PADI6: variants seen among roughly 807,000 people sequenced by gnomAD.
PADI6 encodes inactive protein-arginine deiminase type-6.
Under a neutral mutation model 78.2 loss-of-function variants are expected in PADI6, and 66 were observed. The observed-to-expected ratio is 0.84, with a 90% CI of 0.69 to 1.04. The LOEUF is 1.04. Ranked by LOEUF, PADI6 falls within the 50% of genes least tolerant of loss-of-function variation. The pLI, the probability that PADI6 is intolerant of heterozygous loss-of-function variation, is 0.00. For synonymous variants in PADI6, 397 were observed against 346.9 expected, an observed-to-expected ratio of 1.14 and a Z score of -1.60; for missense variants, 854 against 866.1, an observed-to-expected ratio of 0.99 and a Z score of 0.18.
chr1:17,395,412 C>T (rs1158412656), intron 12 of PADI6, 128 bp from the exon 13 acceptor site: 3 of 1,215,464 alleles, frequency 2.5e-6, no homozygotes, highest in Non-Finnish European at 2.2e-6. Context: ...CCATGTTGGC[C>T]AGGCTGGTCT....
At chr1:17,382,437 C>A (rs116768744) in intron 6 of PADI6, among the ~76,000 whole-genome samples, 15 of 152,320 alleles carry the variant, frequency 9.8e-5, no homozygotes, top group Non-Finnish European at 1.6e-4. Context: ...CTCCCAGTGA[C>A]TCCTCTCAGG....
chr1:17,387,578 C>T (rs1226356698), intron 6 of PADI6, among the ~76,000 whole-genome samples: 2 of 152,040 alleles, frequency 1.3e-5, no homozygotes, highest in Non-Finnish European at 2.9e-5. Flanking sequence ...CGGTGAAATC[C>T]CGTCTCTACT....
intron 6 of PADI6, 89 bp downstream of exon 6, chr1:17,382,181 C>CAG: frequency 2.0e-6 from 3 of 1,486,926 alleles, no homozygotes; most frequent in African/African-American, 1.4e-5. Flanking sequence ...AGGTCCCCAG[C>CAG]AGAAGCCTGC....
chr1:17,375,570 G>C, intron 3 of PADI6, 71 bp downstream of exon 3: 1 of 1,378,936 alleles, frequency 7.3e-7, no homozygotes, highest in Non-Finnish European at 1.0e-6. Context: ...TGGGATTGTA[G>C]GAGGAGCCAA....
At chr1:17,396,742 A>G (rs1034883838) in intron 13 of PADI6, among the ~76,000 whole-genome samples, 11 of 152,192 alleles carry the variant, frequency 7.2e-5, no homozygotes, top group African/African-American at 2.7e-4. Flanking sequence ...GCCAGGTTGT[A>G]TTGGCATAAG....
At chr1:17,386,669 A>G (rs1416508295) in intron 6 of PADI6, among the ~76,000 whole-genome samples, 1 of 152,064 alleles carries the variant, frequency 6.6e-6, no homozygotes, top group East Asian at 1.9e-4. Flanking sequence ...GAACTAGCAC[A>G]GGAGTGGTCC....
chr1:17,396,685 T>G (rs2075250490), intron 13 of PADI6, among the ~76,000 whole-genome samples: 1 of 152,116 alleles, frequency 6.6e-6, no homozygotes, highest in African/African-American at 2.4e-5. Flanking sequence ...ATCAGGCAAT[T>G]GAGGAACAAA....
chr1:17,372,919 T>G, intron 1 of PADI6, 137 bp from the exon 2 acceptor site: 3 of 875,878 alleles, frequency 3.4e-6, no homozygotes, highest in South Asian at 3.7e-5. Context: ...TGGGTAGGAA[T>G]AAGGACCCCA....
chr1:17,395,555 C>G lies in PADI6; in HGVS notation c.1510C>G (p.Leu504Val). The change falls in exon 13 of 16, where the codon CTG (leucine) becomes GTG (valine). Residue 504 changes from leucine to valine, a missense_variant. By Grantham distance (32) the Leu-to-Val change is conservative (BLOSUM62 1). Transcript: ENST00000619609. ...NEGKKGFLLLLASPSACYKLF... is the reference protein window; with the variant it reads ...NEGKKGFLLLVASPSACYKLF... ...TGTTTCCCAGGGCTTCCTGCTGCTC[C>G]TGGCCAGCCCCAGTGCCTGCTATAA... 6.4e-7 allele frequency: 1 copy of G among 1,557,106 alleles called. No homozygotes were observed. The highest frequency in any genetic ancestry group is 8.7e-7 in the Non-Finnish European group (1 of 1,149,890).
intron 1 of PADI6, among the ~76,000 whole-genome samples, chr1:17,372,600 G>A (rs188160156): frequency 6.6e-6 from 1 of 152,246 alleles, no homozygotes; most frequent in African/African-American, 2.4e-5. Flanking sequence ...AAGGGCCTTG[G>A]CCTCTCTGTT....
rs527326354 is a variant in PADI6 at position 17,380,204 on chromosome 1, G to T, written c.435+217G>T. Among the ~76,000 whole-genome samples the T allele has an allele frequency of 2.8e-3, 417 of 151,274 alleles. 4 individuals are homozygous for T. The highest frequency in any genetic ancestry group is 9.3e-3 in the African/African-American group (380 of 41,014). ...GTGGGGTATTTTTTTGTTTTTTTTT[G>T]TTTGTTTGTTTTTGATGTTGTTTTT... On this transcript the variant is annotated intron_variant, in intron 4 of 15. Transcript: ENST00000619609.
chr1:17,395,715 G>C, intron 13 of PADI6, 52 bp downstream of exon 13: 2 of 1,564,302 alleles, frequency 1.3e-6, no homozygotes, highest in South Asian at 1.2e-5. Context: ...CTTTTTCCAG[G>C]GGTCCTTTCT....
At chr1:17,372,431 G>A in intron 1 of PADI6, 70 bp downstream of exon 1, 1 of 1,414,198 alleles carries the variant, frequency 7.1e-7, no homozygotes, top group Non-Finnish European at 1.0e-6. Context: ...CAGTCCCCTT[G>A]ATCTGGGAGT....
rs144826653 is a variant in PADI6, at chr1:17,391,504, G to A, written c.963-610G>A. On this transcript the variant is annotated intron_variant, in intron 8 of 15. Transcript: ENST00000619609. ...CAAAGTGCTGGGATTACAGGCGTGC[G>A]CCACTGCGTCCGGCCAGATGAGTGG... Among the ~76,000 whole-genome samples, 997 of 152,340 alleles carry A rather than the reference G, an allele frequency of 6.5e-3. 20 individuals are homozygous for A. Among genetic ancestry groups the A allele is most frequent in the African/African-American group, 0.022 (906 of 41,574 alleles).
chr1:17,390,909 T>C (rs572947212), intron 8 of PADI6, among the ~76,000 whole-genome samples: 1 of 152,280 alleles, frequency 6.6e-6, no homozygotes, highest in African/African-American at 2.4e-5. Flanking sequence ...TTTGACCCCA[T>C]ATAGCTGCAT....
At chr1:17,376,289 A>T (rs950087721) in intron 3 of PADI6, among the ~76,000 whole-genome samples, 4 of 146,766 alleles carry the variant, frequency 2.7e-5, no homozygotes, top group African/African-American at 7.6e-5. Context: ...TCTCTCTTAA[A>T]CCTGATTCTA....
At chr1:17,377,978 C>G (rs951836411) in intron 3 of PADI6, among the ~76,000 whole-genome samples, 3 of 152,166 alleles carry the variant, frequency 2.0e-5, no homozygotes, top group Non-Finnish European at 2.9e-5. Flanking sequence ...CTGTCTTTAC[C>G]GCTTGTGAAT....
chr1:17,374,196 T>TCTCC (rs751571136), intron 2 of PADI6, among the ~76,000 whole-genome samples: 1 of 151,262 alleles, frequency 6.6e-6, no homozygotes, highest in Non-Finnish European at 1.5e-5. Context: ...CTGGGAGAGC[T>TCTCC]CTCCCTCCCT....
Position 17,401,609 on chromosome 1 carries a change from C to T in PADI6, c.*171C>T, listed in dbSNP as rs1054325644. Reference sequence around the variant, plus strand: ...GACCCAGTAGGATGGCAAATGCCGCCAGCTTGAACCCCTATGGGGAAAAGA... The same window carrying T: ...GACCCAGTAGGATGGCAAATGCCGCTAGCTTGAACCCCTATGGGGAAAAGA... On this transcript the variant is annotated 3_prime_UTR_variant, in exon 16 of 16. Coordinates refer to ENST00000619609, the MANE Select transcript of PADI6 (RefSeq NM_207421.4). The T allele has an allele frequency of 3.1e-6, 2 of 636,516 alleles. No individual in the cohort carries two copies. The highest frequency in any genetic ancestry group is 3.7e-5 in the African/African-American group (2 of 54,528). The allele number at this position is 636,516 out of a possible 1,614,324, so 39.4% of individuals were successfully genotyped here.
Sources: gnomAD v4.1 joint callset for allele counts (sites outside exome capture counted in the v4.1 genomes callset) on GRCh38, gnomAD v4.1.1 for gene constraint, MANE v1.5 for transcripts, NCBI Gene and HGNC (gene_info 2026-07-23, HGNC 2026-07-21) for gene names.